The following EYA4 variants were observed in gnomAD, a reference collection of about 807,000 sequenced individuals.
EYA4 encodes protein phosphatase EYA4.
EYA4 carries 31 observed loss-of-function variants against 87.9 expected under a neutral mutation model. The observed-to-expected ratio is 0.35, with a 90% CI of 0.27 to 0.48. EYA4 has a LOEUF of 0.48. Ranked by LOEUF, EYA4 falls within the 20% of genes least tolerant of loss-of-function variation. The pLI, the probability that EYA4 is intolerant of heterozygous loss-of-function variation, is 0.99. For synonymous variants in EYA4, 263 were observed against 270.6 expected (o/e 0.97, Z 0.28); for missense variants, 678 against 761.4 (o/e 0.89, Z 1.29).
intron 2 of EYA4, among the ~76,000 whole-genome samples, chr6:133,310,141 G>C (rs1582916697): frequency 6.6e-6 from 1 of 152,222 alleles, no homozygotes; most frequent in Non-Finnish European, 1.5e-5. Flanking sequence ...GAAAGCACTG[G>C]GTTGTGTTTT....
intron 3 of EYA4, among the ~76,000 whole-genome samples, chr6:133,434,696 C>T (rs1164347394): frequency 6.6e-6 from 1 of 152,178 alleles, no homozygotes; most frequent in African/African-American, 2.4e-5. Flanking sequence ...GAAATCTGAT[C>T]ATTTTAATAG....
intron 2 of EYA4, among the ~76,000 whole-genome samples, chr6:133,352,121 A>G (rs1378691196): frequency 2.6e-5 from 4 of 152,352 alleles, no homozygotes; most frequent in Middle Eastern, 3.4e-3. Context: ...GAATGCTGCC[A>G]AATCTATTTT....
chr6:133,393,906 G>A lies in EYA4; in HGVS notation c.83+11465G>A, dbSNP rs181411522. On this transcript the variant is annotated intron_variant, in intron 3 of 19. Coordinates refer to ENST00000355286, the MANE Select transcript of EYA4 (RefSeq NM_004100.5). ...AAGTCTTAAGGCTTTTTCTAAAGTAGTGTTCTTAAAGTTTCAGTCTTAAAT... is the reference window on the plus strand; with the variant it reads ...AAGTCTTAAGGCTTTTTCTAAAGTAATGTTCTTAAAGTTTCAGTCTTAAAT... Among the ~76,000 whole-genome samples the A allele has an allele frequency of 4.2e-3, 633 of 152,242 alleles. 2 individuals carry two copies. Among genetic ancestry groups the A allele is most frequent in the Admixed American group, 9.8e-3 (150 of 15,282 alleles).
Position 133,468,608 on chromosome 6 carries a change from C to G in EYA4, c.847C>G (p.Gln283Glu). The change falls in exon 11 of 20, where the codon CAG (glutamine) becomes GAG (glutamate). Residue 283 changes from glutamine to glutamate, a missense_variant. Transcript: ENST00000355286. ...AGCCTTTGGCCAAAACCAGTATGCACAGTATTATTCAGCATCAACGTATGG... is the reference window on the plus strand; with the variant it reads ...AGCCTTTGGCCAAAACCAGTATGCAGAGTATTATTCAGCATCAACGTATGG... Reference protein sequence around the residue: ...YTAFGQNQYAQYYSASTYGAY... With the variant: ...YTAFGQNQYAEYYSASTYGAY... 6.2e-7 allele frequency: 1 copy of G among 1,612,728 alleles called. No homozygotes were observed. The highest frequency in any genetic ancestry group is 8.5e-7 in the Non-Finnish European group (1 of 1,179,038).
intron 2 of EYA4, among the ~76,000 whole-genome samples, chr6:133,356,421 G>T (rs1784037132): frequency 6.6e-6 from 1 of 152,120 alleles, no homozygotes; most frequent in African/African-American, 2.4e-5. Flanking sequence ...TTCTGATGAT[G>T]ATGTAGTCAT....
intron 1 of EYA4, chr6:133,245,064 A>G (rs574485172): frequency 2.0e-5 from 3 of 152,192 alleles, no homozygotes; most frequent in Non-Finnish European, 4.4e-5. Flanking sequence ...GCAAGTATGT[A>G]TTATGCTTTC....
Position 133,464,364 on chromosome 6 carries a change from AC to A in EYA4, c.725-414del, listed in dbSNP as rs1583351416. ...ATGGGGTTCTGTATGTTTATTTCCC[AC>A]GCTAAAAACCCTGTACAAATGTTGA... is the stretch of plus-strand genomic sequence containing the variant. On this transcript the variant is annotated intron_variant, in intron 9 of 19. Coordinates refer to ENST00000355286, the MANE Select transcript of EYA4 (RefSeq NM_004100.5). Among the ~76,000 whole-genome samples, 4 of 152,146 alleles carry A rather than the reference AC, an allele frequency of 2.6e-5. No individual in the cohort carries two copies. The South Asian group carries it at 8.3e-4, about 32-fold the overall frequency.
At chr6:133,511,798 C>G (rs1326574514) in intron 14 of EYA4, 2 of 152,040 alleles carry the variant, frequency 1.3e-5, no homozygotes, top group African/African-American at 4.8e-5. Flanking sequence ...AGTAAAACAT[C>G]ATCTCTAGTA....
chr6:133,481,736 T>C (rs1274589381), intron 12 of EYA4, 137 bp downstream of exon 12: 3 of 916,980 alleles, frequency 3.3e-6, no homozygotes, highest in Non-Finnish European at 5.2e-6. Flanking sequence ...TACTTTGTGA[T>C]AGGCATTTTA....
intron 3 of EYA4, among the ~76,000 whole-genome samples, chr6:133,392,706 T>G (rs1020925077): frequency 2.0e-5 from 3 of 152,210 alleles, no homozygotes; most frequent in Non-Finnish European, 4.4e-5. Flanking sequence ...AAATAATAGA[T>G]TTGGCTTGAA....
At chr6:133,288,001 C>T (rs1778200598) in intron 2 of EYA4, among the ~76,000 whole-genome samples, 1 of 152,044 alleles carries the variant, frequency 6.6e-6, no homozygotes, top group Non-Finnish European at 1.5e-5. Context: ...TGGGGGCACA[C>T]ACCTGTAATC....
chr6:133,417,694 ACAG>A (rs2128554412), intron 3 of EYA4, among the ~76,000 whole-genome samples: 1 of 146,216 alleles, frequency 6.8e-6, no homozygotes, highest in East Asian at 2.1e-4. Flanking sequence ...ACAAAACAAA[ACAG>A]CAGTCAAAAC....
At position 133,390,029 on chromosome 6, in the gene EYA4, T is replaced by G. The variant is rs80272955; in HGVS notation, c.83+7588T>G. On this transcript the variant is annotated intron_variant, in intron 3 of 19. Transcript: ENST00000355286. ...TCTTAATGACACTTTCCATATGGTG[T>G]TGCCGTGTTGGTCAATTGATCAGGC... is the stretch of plus-strand genomic sequence containing the variant. Among the ~76,000 whole-genome samples the G allele has an allele frequency of 5.2e-3, 793 of 152,282 alleles. 5 individuals carry two copies. Among genetic ancestry groups the G allele is most frequent in the African/African-American group, 0.017 (703 of 41,556 alleles).
chr6:133,340,832 A>G (rs867963600), intron 2 of EYA4, among the ~76,000 whole-genome samples: 1 of 152,128 alleles, frequency 6.6e-6, no homozygotes, highest in African/African-American at 2.4e-5. Flanking sequence ...TAACTTTTCG[A>G]AAGAGTCCCT....
intron 2 of EYA4, among the ~76,000 whole-genome samples, chr6:133,305,203 A>T (rs912943055): frequency 2.6e-5 from 4 of 152,124 alleles, no homozygotes; most frequent in Non-Finnish European, 4.4e-5. Flanking sequence ...TTATAGTAAG[A>T]GATGGGGTCA....
chr6:133,351,214 G>A (rs1783615811), intron 2 of EYA4, among the ~76,000 whole-genome samples: 1 of 152,304 alleles, frequency 6.6e-6, no homozygotes, highest in South Asian at 2.1e-4. Flanking sequence ...TACCATTAAG[G>A]TGTGAACTTT....
At chr6:133,298,852 G>A (rs1317074615) in intron 2 of EYA4, among the ~76,000 whole-genome samples, 2 of 152,152 alleles carry the variant, frequency 1.3e-5, no homozygotes, top group Non-Finnish European at 2.9e-5. Context: ...CCTGATAAAT[G>A]TGAACACCTT....
intron 11 of EYA4, among the ~76,000 whole-genome samples, chr6:133,469,184 T>C (rs899182279): frequency 6.6e-6 from 1 of 152,054 alleles, no homozygotes; most frequent in Non-Finnish European, 1.5e-5. Flanking sequence ...GTGTGATCAG[T>C]GTGTATTTAA....
intron 3 of EYA4, among the ~76,000 whole-genome samples, chr6:133,427,364 T>C (rs560644162): frequency 6.6e-5 from 10 of 152,326 alleles, no homozygotes; most frequent in Non-Finnish European, 1.3e-4. Flanking sequence ...ATCTGGAATT[T>C]TTATGCATTA....
Sources: allele counts gnomAD v4.1 joint callset (sites outside exome capture counted in the v4.1 genomes callset), GRCh38; gene constraint gnomAD v4.1.1; transcripts MANE v1.5; gene names NCBI Gene and HGNC (gene_info 2026-07-23, HGNC 2026-07-21).